Variants in SNTG1 observed in about 807,000 individuals in gnomAD.
The protein encoded by SNTG1 is syntrophin gamma 1.
SNTG1 carries 39 observed loss-of-function variants against 74.7 expected under a neutral mutation model. The ratio of observed to expected loss-of-function variants is 0.52; its 90% CI spans 0.40 to 0.68. The LOEUF (loss-of-function observed/expected upper bound fraction) is 0.68, where lower values mean the gene tolerates loss of function less well. SNTG1 is among the 30% of genes least tolerant of loss of function. The probability of loss-of-function intolerance (pLI) is 0.00; values close to 1 mark genes in which losing one functional copy is unlikely to be tolerated. For missense variants in SNTG1, 685 were observed against 609.5 expected (o/e 1.12, Z -1.30); for synonymous variants, 254 against 217.1 (o/e 1.17, Z -1.49).
intron 17 of SNTG1, among the ~76,000 whole-genome samples, chr8:50,715,541 G>A (rs1321381568): frequency 6.6e-6 from 1 of 152,104 alleles, no homozygotes; most frequent in African/African-American, 2.4e-5. Context: ...TAAATATGAA[G>A]TAAAAGGAAA....
intron 9 of SNTG1, among the ~76,000 whole-genome samples, chr8:50,528,724 T>C (rs2094241946): frequency 6.6e-6 from 1 of 151,840 alleles, no homozygotes; most frequent in South Asian, 2.1e-4. Flanking sequence ...ATCATTCCTT[T>C]TAACATCCGT....
rs543254331 is a variant in SNTG1 at position 49,918,450 on chromosome 8, C to A, written c.-103+6219C>A. ...AAGATTATTAGTTATTGACTAATAT[C>A]TGCAAATATCCCTTCTTCCCAGAAT... is the stretch of plus-strand genomic sequence containing the variant. On this transcript the variant is annotated intron_variant, in intron 1 of 18. Transcript: ENST00000642720. Among the ~76,000 whole-genome samples, 224 of 152,292 alleles carry A rather than the reference C, an allele frequency of 1.5e-3. 1 individual carries two copies. The highest frequency in any genetic ancestry group is 0.01 in the Middle Eastern group (3 of 294).
At chr8:50,042,590 G>A (rs887879080) in intron 1 of SNTG1, among the ~76,000 whole-genome samples, 1 of 152,028 alleles carries the variant, frequency 6.6e-6, no homozygotes, top group African/African-American at 2.4e-5. Context: ...AAAAAACCTG[G>A]TGGAACCCAT....
intron 2 of SNTG1, among the ~76,000 whole-genome samples, chr8:50,215,670 C>G (rs2084754511): frequency 6.6e-6 from 1 of 151,768 alleles, no homozygotes; most frequent in African/African-American, 2.4e-5. Flanking sequence ...CTGTTGAACT[C>G]TAGGTACTCA....
chr8:50,107,127 T>A (rs1020529034), intron 1 of SNTG1, among the ~76,000 whole-genome samples: 1 of 152,190 alleles, frequency 6.6e-6, no homozygotes, highest in Non-Finnish European at 1.5e-5. Flanking sequence ...AGGAAGGGAA[T>A]GCAGTTAATG....
chr8:49,979,085 C>G (rs914345053), intron 1 of SNTG1, among the ~76,000 whole-genome samples: 6 of 152,222 alleles, frequency 3.9e-5, no homozygotes, highest in African/African-American at 1.4e-4. Context: ...TAAAAGCCTT[C>G]ACGCTGTTAA....
intron 1 of SNTG1, among the ~76,000 whole-genome samples, chr8:49,949,860 C>A (rs1472239945): frequency 6.6e-6 from 1 of 152,184 alleles, no homozygotes; most frequent in Non-Finnish European, 1.5e-5. Flanking sequence ...TATTCCTTGG[C>A]CAGGCGCAGT....
chr8:50,142,048 C>G (rs960395061), intron 1 of SNTG1, among the ~76,000 whole-genome samples: 5 of 151,928 alleles, frequency 3.3e-5, no homozygotes, highest in Admixed American at 1.3e-4. Context: ...TACTTTTTAT[C>G]TTTAAATGTT....
intron 18 of SNTG1, among the ~76,000 whole-genome samples, chr8:50,763,923 A>G (rs1160156087): frequency 6.8e-6 from 1 of 147,836 alleles, no homozygotes; most frequent in East Asian, 2.1e-4. Flanking sequence ...AACCAAGGCA[A>G]TTCCTATACA....
intron 11 of SNTG1, among the ~76,000 whole-genome samples, chr8:50,549,978 C>G (rs1228302946): frequency 6.6e-6 from 1 of 152,142 alleles, no homozygotes; most frequent in African/African-American, 2.4e-5. Context: ...CCGGGATCCA[C>G]CAATTACTCA....
intron 1 of SNTG1, among the ~76,000 whole-genome samples, chr8:50,105,764 T>C (rs936997500): frequency 1.3e-5 from 2 of 152,084 alleles, no homozygotes; most frequent in African/African-American, 4.8e-5. Flanking sequence ...TTAGCTGTAT[T>C]CCTAGGTATT....
intron 2 of SNTG1, among the ~76,000 whole-genome samples, chr8:50,207,870 G>A (rs1477985136): frequency 3.9e-5 from 6 of 152,146 alleles, no homozygotes; most frequent in Admixed American, 3.9e-4. Flanking sequence ...ATGTAGTTGA[G>A]AAATTTTGAG....
intron 17 of SNTG1, among the ~76,000 whole-genome samples, chr8:50,734,861 CTATATATATGGACATATATATATCTA>C (rs2095523164): frequency 6.4e-5 from 7 of 109,116 alleles, no homozygotes; most frequent in South Asian, 3.0e-4. Flanking sequence ...ATATATATAT[CTATATATATGGACATATATATATCTA>C]TATATATGGA....
chr8:49,963,114 TA>T (rs1810843461), intron 1 of SNTG1, among the ~76,000 whole-genome samples: 1 of 152,214 alleles, frequency 6.6e-6, no homozygotes, highest in African/African-American at 2.4e-5. Flanking sequence ...GTTAAAGGAA[TA>T]CATGAGTGGA....
intron 1 of SNTG1, among the ~76,000 whole-genome samples, chr8:50,161,473 T>C (rs1203740322): frequency 2.0e-5 from 3 of 152,318 alleles, no homozygotes; most frequent in Admixed American, 1.3e-4. Context: ...ACACTATTAA[T>C]AGATTACATG....
rs575353508 is a variant in SNTG1, at chr8:50,460,445, T to C, written c.363+9716T>C. Among the ~76,000 whole-genome samples, 4 of 152,300 alleles carry C rather than the reference T, an allele frequency of 2.6e-5. No individual in the cohort carries two copies. In the South Asian group the frequency reaches 8.3e-4, roughly 32 times the overall value. ...CCCATTCCGTAGGTTGTATGTATAC[T>C]CTTTTGATGGTTTCTTTTGCTGTGC... On this transcript the variant is annotated intron_variant, in intron 8 of 18. Coordinates refer to ENST00000642720, the MANE Select transcript of SNTG1 (RefSeq NM_018967.5).
intron 13 of SNTG1, among the ~76,000 whole-genome samples, chr8:50,630,162 A>G: frequency 6.6e-6 from 1 of 152,308 alleles, no homozygotes; most frequent in East Asian, 1.9e-4. Flanking sequence ...TTTACCCAAG[A>G]TCATAAAATG....
At chr8:50,782,775 G>C (rs1187580968) in intron 18 of SNTG1, among the ~76,000 whole-genome samples, 2 of 152,174 alleles carry the variant, frequency 1.3e-5, no homozygotes, top group African/African-American at 4.8e-5. Context: ...GAGGAAGAGA[G>C]GTGCTCCGGT....
chr8:50,529,961 A>T (rs903621982), intron 9 of SNTG1, among the ~76,000 whole-genome samples: 2 of 151,126 alleles, frequency 1.3e-5, no homozygotes, highest in Non-Finnish European at 3.0e-5. Context: ...TCTGAAATCA[A>T]AGACAAATTT....
Sources: allele counts gnomAD v4.1 joint callset (sites outside exome capture counted in the v4.1 genomes callset), GRCh38; gene constraint gnomAD v4.1.1; transcripts MANE v1.5; gene names NCBI Gene and HGNC (gene_info 2026-07-23, HGNC 2026-07-21).